The following ATXN1 variants were observed in gnomAD, a reference collection of about 807,000 sequenced individuals.
ATXN1 encodes the protein ataxin 1.
Under a neutral mutation model 56.4 loss-of-function variants are expected in ATXN1, and 8 were observed. The ratio of observed to expected loss-of-function variants is 0.14; its 90% CI spans 0.08 to 0.26. The LOEUF (loss-of-function observed/expected upper bound fraction) is 0.26, where lower values mean the gene tolerates loss of function less well. ATXN1 is among the 10% of genes least tolerant of loss of function. The probability of loss-of-function intolerance (pLI) is 1.00; values close to 1 mark genes in which losing one functional copy is unlikely to be tolerated. For missense variants in ATXN1, 987 were observed against 1,106.5 expected, an observed-to-expected ratio of 0.89 and a Z score of 1.53; for synonymous variants, 514 against 494.6, an observed-to-expected ratio of 1.04 and a Z score of -0.52.
chr6:16,508,672 A>C (rs1761024873), intron 5 of ATXN1, among the ~76,000 whole-genome samples: 1 of 152,214 alleles, frequency 6.6e-6, no homozygotes, highest in African/African-American at 2.4e-5. Context: ...CACTGTTGGT[A>C]GAAATGCAAA....
At chr6:16,367,507 C>A (rs1050950511) in intron 6 of ATXN1, among the ~76,000 whole-genome samples, 1 of 152,152 alleles carries the variant, frequency 6.6e-6, no homozygotes, top group Non-Finnish European at 1.5e-5. Context: ...TTTGTACACA[C>A]CCAGCACACA....
chr6:16,570,884 C>T (rs1762320810), intron 4 of ATXN1, among the ~76,000 whole-genome samples: 1 of 152,176 alleles, frequency 6.6e-6, no homozygotes, highest in Non-Finnish European at 1.5e-5. Flanking sequence ...GCTGTCCACC[C>T]TCATCACTTT....
In ATXN1 at chr6:16,364,199, A is replaced by C. The variant is rs142474365; in HGVS notation, c.-160-35729T>G. On this transcript the variant is annotated intron_variant, in intron 6 of 7. Transcript: ENST00000436367. ...GGCAGCCAGTAAAGCTGGAGTCAGA[A>C]CTCTGATTCAGAGCACCTCATTTAC... 4.0e-3 allele frequency among the ~76,000 whole-genome samples: 607 copies of C among 152,308 alleles called. 7 individuals are homozygous for C. Among genetic ancestry groups the C allele is most frequent in the African/African-American group, 0.014 (571 of 41,544 alleles).
intron 6 of ATXN1, among the ~76,000 whole-genome samples, chr6:16,435,582 G>T (rs529018441): frequency 1.3e-5 from 2 of 151,986 alleles, no homozygotes; most frequent in South Asian, 4.2e-4. Context: ...AGTGAGATGA[G>T]AACTCCTATT....
chr6:16,396,013 CAAAAAAAAAA>C (rs59358244), intron 6 of ATXN1, among the ~76,000 whole-genome samples: 1 of 42,240 alleles, frequency 2.4e-5, no homozygotes, highest in Non-Finnish European at 4.2e-5. Context: ...GACTCCGTCT[CAAAAAAAAAA>C]AAAAAAAAAA....
intron 6 of ATXN1, among the ~76,000 whole-genome samples, chr6:16,429,693 C>G (rs1012895317): frequency 3.3e-5 from 5 of 152,150 alleles, no homozygotes; most frequent in African/African-American, 9.7e-5. Flanking sequence ...GCTGAGATTA[C>G]AGGTGTGAGC....
At chr6:16,728,214 G>A (rs1759891314) in intron 2 of ATXN1, among the ~76,000 whole-genome samples, 1 of 152,194 alleles carries the variant, frequency 6.6e-6, no homozygotes, top group Admixed American at 6.5e-5. Flanking sequence ...TGGGACGCAA[G>A]ACATCTAAGC....
intron 2 of ATXN1, among the ~76,000 whole-genome samples, chr6:16,686,224 A>G (rs938352580): frequency 6.6e-6 from 1 of 152,224 alleles, no homozygotes; most frequent in Non-Finnish European, 1.5e-5. Flanking sequence ...AAACATACAT[A>G]ACACAGAGTC....
intron 3 of ATXN1, among the ~76,000 whole-genome samples, chr6:16,603,616 G>T (rs1240051322): frequency 2.6e-5 from 4 of 152,228 alleles, no homozygotes; most frequent in African/African-American, 9.6e-5. Flanking sequence ...TCATTTGGAG[G>T]TCTGAGTTGA....
intron 4 of ATXN1, among the ~76,000 whole-genome samples, chr6:16,552,852 C>T (rs896546468): frequency 6.6e-6 from 1 of 152,232 alleles, no homozygotes. Flanking sequence ...CACTCACACT[C>T]ATACTAAATT....
At chr6:16,438,373 CTTGT>C (rs1474941032) in intron 6 of ATXN1, among the ~76,000 whole-genome samples, 2 of 152,164 alleles carry the variant, frequency 1.3e-5, no homozygotes, top group African/African-American at 4.8e-5. Context: ...ATAAAAATTT[CTTGT>C]TTATTTTTTC....
At chr6:16,421,799 T>C (rs1759040053) in intron 6 of ATXN1, among the ~76,000 whole-genome samples, 1 of 152,056 alleles carries the variant, frequency 6.6e-6, no homozygotes, top group African/African-American at 2.4e-5. Context: ...TATGCATACA[T>C]GTGTGCAGGC....
At position 16,447,826 on chromosome 6, in the gene ATXN1, T is replaced by G. The variant is rs114268504; in HGVS notation, c.-161+38146A>C. 6.2e-3 allele frequency among the ~76,000 whole-genome samples: 944 copies of G among 152,338 alleles called. 5 individuals are homozygous for G. The highest frequency in any genetic ancestry group is 0.021 in the African/African-American group (891 of 41,570). On this transcript the variant is annotated intron_variant, in intron 6 of 7. Coordinates refer to ENST00000436367, the MANE Select transcript of ATXN1 (RefSeq NM_001128164.2). ...TAAACTTATTTAAAAGCCCCAAAGA[T>G]TCTACCAACGGGCTTCAGAGCATCT...
intron 3 of ATXN1, among the ~76,000 whole-genome samples, chr6:16,632,733 A>C (rs1321518220): frequency 6.6e-6 from 1 of 152,150 alleles, no homozygotes; most frequent in East Asian, 1.9e-4. Flanking sequence ...AACCTAGAAA[A>C]TGTGAAATTG....
chr6:16,550,155 C>CAAAAAAAAAAAAAAAAAAAA (rs70999336), intron 4 of ATXN1, among the ~76,000 whole-genome samples: 2 of 91,196 alleles, frequency 2.2e-5, no homozygotes, highest in Non-Finnish European at 4.6e-5. Context: ...AAATAAAATA[C>CAAAAAAAAAAAAAAAAAAAA]AAAAAAAAAA....
At chr6:16,717,594 G>A (rs748550940) in intron 2 of ATXN1, among the ~76,000 whole-genome samples, 9 of 152,218 alleles carry the variant, frequency 5.9e-5, no homozygotes, top group Non-Finnish European at 1.0e-4. Context: ...GCTTAACACA[G>A]AGAGAGAATG....
intron 2 of ATXN1, among the ~76,000 whole-genome samples, chr6:16,709,602 G>A (rs1425914071): frequency 6.6e-6 from 1 of 152,010 alleles, no homozygotes; most frequent in Non-Finnish European, 1.5e-5. Context: ...AGAACTCCAA[G>A]CCCAAAGATT....
intron 3 of ATXN1, among the ~76,000 whole-genome samples, chr6:16,595,987 C>T (rs1477135911): frequency 6.6e-6 from 1 of 152,042 alleles, no homozygotes; most frequent in African/African-American, 2.4e-5. Context: ...GAAGCTTTTG[C>T]AGCCCCGTTA....
intron 3 of ATXN1, among the ~76,000 whole-genome samples, chr6:16,631,264 C>T (rs1191602287): frequency 2.0e-5 from 3 of 152,154 alleles, no homozygotes; most frequent in Admixed American, 6.5e-5. Context: ...CCACTTGCAG[C>T]GTAAACACAG....
Sources: gnomAD v4.1 joint callset for allele counts (sites outside exome capture counted in the v4.1 genomes callset) on GRCh38, gnomAD v4.1.1 for gene constraint, MANE v1.5 for transcripts, NCBI Gene and HGNC (gene_info 2026-07-23, HGNC 2026-07-21) for gene names.